Variants in DMD observed in about 807,000 individuals in gnomAD.
DMD encodes the protein mutant dystrophin.
In DMD, 63 loss-of-function variants were observed where a neutral mutation model predicts 330.1. That is an observed-to-expected ratio of 0.19 (90% confidence interval 0.16 to 0.24). The LOEUF is 0.24. DMD is among the 10% of genes least tolerant of loss of function. DMD has a pLI of 1.00. For synonymous variants in DMD, 1,223 were observed against 959.8 expected (o/e 1.27, Z -5.07); for missense variants, 3,344 against 2,684.1 (o/e 1.25, Z -5.43).
intron 43 of DMD, among the ~76,000 whole-genome samples, chrX:32,242,526 A>C (rs1475193930): frequency 8.9e-6 from 1 of 111,832 alleles, no homozygotes; most frequent in African/African-American, 3.2e-5. Context: ...ATTTTTTTTC[A>C]ATAATGGAAG....
chrX:31,684,235 T>C (rs2082549302), intron 52 of DMD, among the ~76,000 whole-genome samples: 1 of 111,959 alleles, frequency 8.9e-6, no homozygotes, highest in Admixed American at 9.5e-5. Flanking sequence ...CCATAGATCA[T>C]TATAAGAAGG....
intron 63 of DMD, among the ~76,000 whole-genome samples, chrX:31,238,510 C>T (rs951530242): frequency 3.6e-5 from 4 of 111,978 alleles, no homozygotes; most frequent in East Asian, 5.6e-4. Flanking sequence ...TACTAACATT[C>T]GCTGAGCACT....
intron 13 of DMD, among the ~76,000 whole-genome samples, chrX:32,578,491 G>T (rs1178730856): frequency 1.8e-5 from 2 of 111,972 alleles, no homozygotes; most frequent in Non-Finnish European, 3.8e-5. Flanking sequence ...CAACGGGGAG[G>T]ATTTTTTCCT....
chrX:32,581,059 C>T (rs1257065487), intron 13 of DMD, among the ~76,000 whole-genome samples: 1 of 111,598 alleles, frequency 9.0e-6, no homozygotes, highest in Admixed American at 9.5e-5. Context: ...CTCCTGACCT[C>T]AAGTGATCTG....
At chrX:33,319,577 A>G (rs748832355) in intron 1 of DMD, among the ~76,000 whole-genome samples, 1 of 112,118 alleles carries the variant, frequency 8.9e-6, no homozygotes, top group East Asian at 2.8e-4. Context: ...CTTATCGTGT[A>G]TTATCTGATA....
intron 59 of DMD, among the ~76,000 whole-genome samples, chrX:31,471,356 C>G (rs1000549669): frequency 3.6e-5 from 4 of 111,831 alleles, no homozygotes; most frequent in African/African-American, 1.3e-4. Flanking sequence ...CTGGAATGCT[C>G]CGTTCCTCAG....
At chrX:31,519,718 C>G (rs1247820289) in intron 55 of DMD, among the ~76,000 whole-genome samples, 1 of 112,191 alleles carries the variant, frequency 8.9e-6, no homozygotes, top group Non-Finnish European at 1.9e-5. Context: ...TGTGGGTACT[C>G]TTTAGCCCAC....
At chrX:32,234,465 T>TA (rs956548800) in intron 43 of DMD, among the ~76,000 whole-genome samples, 16 of 108,297 alleles carry the variant, frequency 1.5e-4, no homozygotes, top group South Asian at 3.9e-4. Context: ...CCAAGGATCT[T>TA]AAAAAAAAAA....
intron 52 of DMD, among the ~76,000 whole-genome samples, chrX:31,681,936 A>T (rs1342707637): frequency 1.8e-5 from 2 of 111,463 alleles, no homozygotes; most frequent in Non-Finnish European, 3.8e-5. Flanking sequence ...TCTACTAAAA[A>T]TACAAAAATT....
At chrX:31,925,742 C>G (rs1327407355) in intron 47 of DMD, among the ~76,000 whole-genome samples, 1 of 109,311 alleles carries the variant, frequency 9.1e-6, no homozygotes, top group Non-Finnish European at 1.9e-5. Flanking sequence ...CGTGGTGGTG[C>G]ATGCCTGTAA....
chrX:33,039,613 C>T (rs773630080), intron 1 of DMD, among the ~76,000 whole-genome samples: 1 of 111,594 alleles, frequency 9.0e-6, no homozygotes, highest in Non-Finnish European at 1.9e-5. Context: ...AACAGGTCCT[C>T]AATACATTTT....
chrX:31,288,187 A>C (rs2053378596), intron 62 of DMD, among the ~76,000 whole-genome samples: 1 of 111,662 alleles, frequency 9.0e-6, no homozygotes, highest in South Asian at 3.9e-4. Flanking sequence ...GTTAAGATGC[A>C]ATGGGACAGT....
At chrX:32,281,485 A>G (rs2097420655) in intron 43 of DMD, among the ~76,000 whole-genome samples, 1 of 111,919 alleles carries the variant, frequency 8.9e-6, no homozygotes, top group African/African-American at 3.2e-5. Flanking sequence ...TCACAAGTGT[A>G]TGGTTCCATA....
intron 59 of DMD, among the ~76,000 whole-genome samples, chrX:31,461,693 T>C (rs765307088): frequency 5.4e-5 from 6 of 111,375 alleles, no homozygotes; most frequent in Admixed American, 9.6e-5. Context: ...GGATTTTCCA[T>C]AAAGAAACAA....
At chrX:31,939,932 A>G (rs1409655250) in intron 45 of DMD, among the ~76,000 whole-genome samples, 1 of 111,588 alleles carries the variant, frequency 9.0e-6, no homozygotes, top group Non-Finnish European at 1.9e-5. Flanking sequence ...CTATGAGTAA[A>G]TGTGCCACCA....
intron 7 of DMD, among the ~76,000 whole-genome samples, chrX:32,787,481 C>T (rs2075483462): frequency 9.1e-6 from 1 of 110,117 alleles, no homozygotes; most frequent in South Asian, 3.9e-4. Flanking sequence ...GACAGTAGAT[C>T]CCCCTTTTCC....
intron 1 of DMD, among the ~76,000 whole-genome samples, chrX:33,202,308 C>A (rs1252935948): frequency 9.0e-6 from 1 of 111,460 alleles, no homozygotes; most frequent in African/African-American, 3.3e-5. Flanking sequence ...CATGCTGCCA[C>A]CATTAAAATC....
intron 2 of DMD, among the ~76,000 whole-genome samples, chrX:32,921,404 C>T (rs183981100): frequency 1.1e-4 from 12 of 112,008 alleles, no homozygotes; most frequent in Non-Finnish European, 2.3e-4. Context: ...TAAGTGCAAA[C>T]TAAAAGACAT....
At chrX:31,144,373 C>T (rs927070438) in intron 76 of DMD, among the ~76,000 whole-genome samples, 8 of 112,099 alleles carry the variant, frequency 7.1e-5, no homozygotes, top group African/African-American at 2.6e-4. Context: ...CCCTACCCCT[C>T]AGTGATCTCC....
Sources: allele counts gnomAD v4.1 joint callset (sites outside exome capture counted in the v4.1 genomes callset), GRCh38; gene constraint gnomAD v4.1.1; transcripts MANE v1.5; gene names NCBI Gene and HGNC (gene_info 2026-07-23, HGNC 2026-07-21).